PCDH11X: variants seen among roughly 807,000 people sequenced by gnomAD.
The protein encoded by PCDH11X is protocadherin-11 X-linked.
In PCDH11X, 18 loss-of-function variants were observed where a neutral mutation model predicts 53.3. The ratio of observed to expected loss-of-function variants is 0.34; its 90% CI spans 0.23 to 0.50. The LOEUF (loss-of-function observed/expected upper bound fraction) is 0.50. PCDH11X is among the 20% of genes least tolerant of loss of function. The probability of loss-of-function intolerance (pLI) is 0.98; values close to 1 mark genes in which losing one functional copy is unlikely to be tolerated. For synonymous variants in PCDH11X, 279 were observed against 393.3 expected (o/e 0.71, Z 3.44); for missense variants, 570 against 1,032.4 (o/e 0.55, Z 6.14).
intron 8 of PCDH11X, among the ~76,000 whole-genome samples, chrX:92,376,464 G>A (rs2070756629): frequency 1.8e-5 from 2 of 111,639 alleles, no homozygotes; most frequent in South Asian, 3.7e-4. Flanking sequence ...TCATTTTCAC[G>A]AAGCTACTGA....
At chrX:92,086,722 A>G (rs1249316816) in intron 6 of PCDH11X, among the ~76,000 whole-genome samples, 5 of 110,871 alleles carry the variant, frequency 4.5e-5, no homozygotes, top group Non-Finnish European at 9.4e-5. Flanking sequence ...AACGACCCAG[A>G]TGTCTTTATT....
chrX:92,321,653 T>C (rs2069213690), intron 8 of PCDH11X, among the ~76,000 whole-genome samples: 1 of 111,323 alleles, frequency 9.0e-6, no homozygotes, highest in Non-Finnish European at 1.9e-5. Context: ...TATGGATAAT[T>C]TGGTATCTTA....
chrX:92,393,332 G>A (rs1370253446), intron 9 of PCDH11X, among the ~76,000 whole-genome samples: 2 of 110,306 alleles, frequency 1.8e-5, no homozygotes, highest in Non-Finnish European at 3.8e-5. Flanking sequence ...GGTAGAGAGG[G>A]GGGAGTAAAA....
At chrX:91,897,592 TG>T (rs1426859061) in intron 6 of PCDH11X, among the ~76,000 whole-genome samples, 2 of 98,060 alleles carry the variant, frequency 2.0e-5, no homozygotes, top group African/African-American at 7.5e-5. Flanking sequence ...TACTAACTTT[TG>T]CTTATATAAC....
At chrX:91,838,159 G>T (rs1937373365) in intron 5 of PCDH11X, among the ~76,000 whole-genome samples, 1 of 111,608 alleles carries the variant, frequency 9.0e-6, no homozygotes, top group Non-Finnish European at 1.9e-5. Context: ...GAACTTCCAA[G>T]AAATTTCTGA....
At chrX:92,416,636 A>G (rs2071818914) in intron 9 of PCDH11X, among the ~76,000 whole-genome samples, 1 of 110,525 alleles carries the variant, frequency 9.0e-6, no homozygotes, top group Non-Finnish European at 1.9e-5. Context: ...AAGAAATGAT[A>G]AATGTTTGAG....
At chrX:91,972,442 C>G (rs1265616024) in intron 6 of PCDH11X, among the ~76,000 whole-genome samples, 3 of 101,164 alleles carry the variant, frequency 3.0e-5, no homozygotes, top group African/African-American at 7.3e-5. Flanking sequence ...TGCAGAAGCT[C>G]TTTAGTTTAA....
intron 6 of PCDH11X, among the ~76,000 whole-genome samples, chrX:92,108,936 G>A (rs1248076234): frequency 7.2e-5 from 8 of 111,716 alleles, no homozygotes; most frequent in African/African-American, 1.6e-4. Flanking sequence ...CACCTTGCCC[G>A]CTGCCTAGAC....
At chrX:91,824,369 T>C (rs1443554281) in intron 4 of PCDH11X, among the ~76,000 whole-genome samples, 1 of 110,080 alleles carries the variant, frequency 9.1e-6, no homozygotes, top group African/African-American at 3.3e-5. Context: ...AGGCTTTGCT[T>C]GTTTCTTTTT....
intron 7 of PCDH11X, among the ~76,000 whole-genome samples, chrX:92,247,839 G>T (rs2067379367): frequency 1.8e-5 from 2 of 111,794 alleles, no homozygotes; most frequent in Non-Finnish European, 3.8e-5. Context: ...TTTGAGTTGT[G>T]AGTGGACATG....
At chrX:92,376,488 C>G (rs964297873) in intron 8 of PCDH11X, among the ~76,000 whole-genome samples, 1 of 111,675 alleles carries the variant, frequency 9.0e-6, no homozygotes. Flanking sequence ...AAAAAAATAT[C>G]CAGCAGCACT....
intron 6 of PCDH11X, among the ~76,000 whole-genome samples, chrX:92,144,661 C>T (rs1244961524): frequency 9.0e-6 from 1 of 110,866 alleles, no homozygotes; most frequent in Non-Finnish European, 1.9e-5. Context: ...AGGTTTGCCT[C>T]CTCCTATACT....
intron 9 of PCDH11X, among the ~76,000 whole-genome samples, chrX:92,455,885 G>T (rs1215651846): frequency 1.9e-5 from 2 of 104,266 alleles, no homozygotes; most frequent in Non-Finnish European, 3.9e-5. Context: ...AAAATCAGAA[G>T]AATTGATTGT....
intron 6 of PCDH11X, among the ~76,000 whole-genome samples, chrX:91,916,929 C>T (rs1448798509): frequency 9.0e-6 from 1 of 110,876 alleles, no homozygotes; most frequent in African/African-American, 3.3e-5. Context: ...TAATAGCTAA[C>T]TGATTCCAAC....
chrX:92,340,222 G>T (rs964030515), intron 8 of PCDH11X, among the ~76,000 whole-genome samples: 20 of 111,099 alleles, frequency 1.8e-4, no homozygotes, highest in Non-Finnish European at 3.2e-4. Context: ...TGGCTTTCTG[G>T]TTTTTGGCCC....
intron 6 of PCDH11X, among the ~76,000 whole-genome samples, chrX:92,175,772 G>A (rs867077910): frequency 1.9e-5 from 1 of 52,480 alleles, no homozygotes; most frequent in African/African-American, 6.3e-5. Flanking sequence ...GTGTGTGTGT[G>A]TGTGTATATA....
chrX:92,507,234 G>A (rs1170450908), intron 10 of PCDH11X, among the ~76,000 whole-genome samples: 2 of 110,415 alleles, frequency 1.8e-5, no homozygotes, highest in Non-Finnish European at 3.8e-5. Context: ...GTTCATCTCT[G>A]ATTTTTTAGT....
intron 10 of PCDH11X, among the ~76,000 whole-genome samples, chrX:92,516,161 G>A (rs2074265922): frequency 9.0e-6 from 1 of 110,902 alleles, no homozygotes; most frequent in African/African-American, 3.3e-5. Flanking sequence ...GAATTGAGGG[G>A]TTGTTAATCC....
At chrX:92,025,433 C>T (rs1156449065) in intron 6 of PCDH11X, among the ~76,000 whole-genome samples, 2 of 99,081 alleles carry the variant, frequency 2.0e-5, no homozygotes, top group Admixed American at 2.3e-4. Flanking sequence ...GACATTTATG[C>T]AGCCAACAAC....
Sources: allele counts gnomAD v4.1 joint callset (sites outside exome capture counted in the v4.1 genomes callset), GRCh38; gene constraint gnomAD v4.1.1; transcripts MANE v1.5; gene names NCBI Gene and HGNC (gene_info 2026-07-23, HGNC 2026-07-21).